STK4: variants seen among roughly 807,000 people sequenced by gnomAD.
STK4 encodes serine/threonine kinase 4.
In STK4, 30 loss-of-function variants were observed where a neutral mutation model predicts 64.9. That is an observed-to-expected ratio of 0.46 (90% CI 0.35 to 0.63). The LOEUF is 0.63. Ranked by LOEUF, STK4 falls within the 20% of genes least tolerant of loss-of-function variation. The pLI is 0.01. For missense variants in STK4, 466 were observed against 598.5 expected (o/e 0.78, Z 2.31); for synonymous variants, 177 against 199.0 (o/e 0.89, Z 0.93).
intron 4 of STK4, 95 bp downstream of exon 4, chr20:44,982,038 C>T (rs990178775): frequency 7.9e-5 from 60 of 755,780 alleles, no homozygotes; most frequent in Non-Finnish European, 1.2e-4. Context: ...ACTAGAGAGA[C>T]GACTGTCAGA....
rs369994846 is a variant in STK4 at position 45,025,828 on chromosome 20, C to T, written c.1305+698C>T. Among the ~76,000 whole-genome samples, 7 of 152,226 alleles carry T rather than the reference C, an allele frequency of 4.6e-5. No individual in the cohort carries two copies. The East Asian group carries it at 1.3e-3, about 29-fold the overall frequency. On this transcript the variant is annotated intron_variant, in intron 10 of 10. Coordinates refer to ENST00000372806, the MANE Select transcript of STK4 (RefSeq NM_006282.5). ...GTTTGATCCTCCATCTGTCATAATT[C>T]TGTTGTTTATAAAAGAACTTAGATT...
rs771815314 is a variant in STK4 at position 44,978,569 on chromosome 20, C to T, written c.243C>T (p.Asp81=). 6.2e-7 allele frequency: 1 copy of T among 1,613,634 alleles called. No homozygotes were observed. The stretch of plus-strand genomic sequence containing the variant: ...AAATCTCTATAATGCAGCAATGTGA[C>T]AGGTAAAGGCATGTGGGCTTCCTTT... ...IKEISIMQQC[D]SPHVVKYYGS... Residue 81 remains aspartate (D), a splice_region_variant and synonymous_variant, in exon 3 of 11, where the codon GAC becomes GAT. Transcript: ENST00000372806.
At chr20:45,007,324 G>A (rs1268691442) in intron 9 of STK4, among the ~76,000 whole-genome samples, 2 of 152,222 alleles carry the variant, frequency 1.3e-5, no homozygotes, top group East Asian at 1.9e-4. Flanking sequence ...AGGCCATGGC[G>A]GGCAGATCAC....
intron 10 of STK4, among the ~76,000 whole-genome samples, chr20:45,043,234 G>A (rs758457201): frequency 3.3e-5 from 5 of 152,014 alleles, no homozygotes; most frequent in Non-Finnish European, 7.4e-5. Flanking sequence ...TATACCACAT[G>A]TTCTTTATCC....
At chr20:45,061,659 C>A (rs1979019146) in intron 10 of STK4, among the ~76,000 whole-genome samples, 1 of 146,116 alleles carries the variant, frequency 6.8e-6, no homozygotes, top group Admixed American at 6.9e-5. Flanking sequence ...CATAGGTAAA[C>A]TGCATGTCTC....
intron 10 of STK4, among the ~76,000 whole-genome samples, chr20:45,059,719 A>G (rs532416525): frequency 6.6e-6 from 1 of 152,352 alleles, no homozygotes; most frequent in East Asian, 1.9e-4. Context: ...GGAATATAAT[A>G]TACTCTTAAA....
At chr20:45,047,912 T>A (rs754267403) in intron 10 of STK4, among the ~76,000 whole-genome samples, 4 of 152,214 alleles carry the variant, frequency 2.6e-5, no homozygotes, top group Non-Finnish European at 5.9e-5. Context: ...TTTCTTTGTC[T>A]GCTAAAGGTA....
intron 10 of STK4, among the ~76,000 whole-genome samples, chr20:45,051,929 G>A (rs1384842468): frequency 6.6e-6 from 1 of 152,146 alleles, no homozygotes; most frequent in African/African-American, 2.4e-5. Context: ...ACATGGTAAA[G>A]TCATACCTCT....
At chr20:45,059,277 C>T (rs536948446) in intron 10 of STK4, among the ~76,000 whole-genome samples, 1 of 152,278 alleles carries the variant, frequency 6.6e-6, no homozygotes, top group South Asian at 2.1e-4. Flanking sequence ...TTACTGTAAT[C>T]TTAGCAGCCT....
At chr20:44,989,152 AT>A (rs2067589672) in intron 5 of STK4, among the ~76,000 whole-genome samples, 1 of 152,196 alleles carries the variant, frequency 6.6e-6, no homozygotes, top group Non-Finnish European at 1.5e-5. Context: ...GCTGGATCAC[AT>A]GGTAACTCTG....
At position 45,027,301 on chromosome 20, in the gene STK4, A is replaced by ACT. The variant is rs1245040556; in HGVS notation, c.1305+2171_1305+2172insCT. Reference sequence around the variant, plus strand: ...AAAAAATCAGCCAGTGTGGTGGTGCATGCCTGTAATCCCAGCTACTCGGGA... The same window carrying ACT: ...AAAAAATCAGCCAGTGTGGTGGTGCACTTGCCTGTAATCCCAGCTACTCGGGA... On this transcript the variant is annotated intron_variant, in intron 10 of 10. Coordinates refer to ENST00000372806, the MANE Select transcript of STK4 (RefSeq NM_006282.5). 1.4e-4 allele frequency among the ~76,000 whole-genome samples: 21 copies of ACT among 151,980 alleles called. No homozygotes were observed. In the East Asian group the frequency reaches 3.9e-3, roughly 28 times the overall value.
At chr20:44,976,233 G>T (rs1330924302) in intron 2 of STK4, among the ~76,000 whole-genome samples, 1 of 152,166 alleles carries the variant, frequency 6.6e-6, no homozygotes, top group Non-Finnish European at 1.5e-5. Flanking sequence ...ATAGAAATGA[G>T]ACTGATCACA....
At chr20:44,987,364 C>T in intron 5 of STK4, 68 bp downstream of exon 5, 2 of 1,433,668 alleles carry the variant, frequency 1.4e-6, no homozygotes, top group Non-Finnish European at 1.9e-6. Flanking sequence ...CTTTTATTTA[C>T]CTATTTTTAA....
chr20:45,063,744 T>C (rs944071540), intron 10 of STK4, among the ~76,000 whole-genome samples: 3 of 152,204 alleles, frequency 2.0e-5, no homozygotes, highest in East Asian at 3.8e-4. Flanking sequence ...TTTAAGTCTT[T>C]AATTTATCTC....
At chr20:45,068,740 A>C (rs996549435) in intron 10 of STK4, among the ~76,000 whole-genome samples, 11 of 152,188 alleles carry the variant, frequency 7.2e-5, no homozygotes, top group African/African-American at 2.4e-4. Context: ...CAGTGACCTC[A>C]TCTCTAAAAG....
chr20:44,988,848 G>C (rs1476420561), intron 5 of STK4, among the ~76,000 whole-genome samples: 2 of 151,772 alleles, frequency 1.3e-5, no homozygotes, highest in African/African-American at 4.8e-5. Flanking sequence ...CTATAGATTT[G>C]CATATTCTGA....
At chr20:45,035,812 TA>T (rs1478495757) in intron 10 of STK4, among the ~76,000 whole-genome samples, 2 of 151,690 alleles carry the variant, frequency 1.3e-5, no homozygotes, top group African/African-American at 4.9e-5. Flanking sequence ...ATATAGTCAT[TA>T]CGCTTAGAGA....
rs550281848 is a variant in STK4 at position 45,024,207 on chromosome 20, A to G, written c.1148-766A>G. Among the ~76,000 whole-genome samples, 289 of 152,058 alleles carry G rather than the reference A, an allele frequency of 1.9e-3. 2 individuals are homozygous for G. The highest frequency in any genetic ancestry group is 3.0e-3 in the Non-Finnish European group (202 of 67,972). On this transcript the variant is annotated intron_variant, in intron 9 of 10. Coordinates refer to ENST00000372806, the MANE Select transcript of STK4 (RefSeq NM_006282.5). ...GAGCCACCGCGCCTGACCCAGTACTAACTTATTTAAAAAAATGTTCATGAG... is the reference window on the plus strand; with the variant it reads ...GAGCCACCGCGCCTGACCCAGTACTGACTTATTTAAAAAAATGTTCATGAG...
rs1383918073 is a variant in STK4 at position 44,979,480 on chromosome 20, A to G, written c.245+909A>G. Among the ~76,000 whole-genome samples, 4 of 152,320 alleles carry G rather than the reference A, an allele frequency of 2.6e-5. No individual in the cohort carries two copies. In the East Asian group the frequency reaches 7.7e-4, roughly 29 times the overall value. On this transcript the variant is annotated intron_variant, in intron 3 of 10. Coordinates refer to ENST00000372806, the MANE Select transcript of STK4 (RefSeq NM_006282.5). ...GTTTGCTCTGAAATTCCATGACAAC[A>G]TGGGTTGGTCACTGATAGAGCAGGC...
Sources: gnomAD v4.1 joint callset for allele counts (sites outside exome capture counted in the v4.1 genomes callset) on GRCh38, gnomAD v4.1.1 for gene constraint, MANE v1.5 for transcripts, NCBI Gene and HGNC (gene_info 2026-07-23, HGNC 2026-07-21) for gene names.